Variants in CLMP observed in about 807,000 individuals in gnomAD.
CLMP encodes CXADR like cell adhesion molecule, also known as CXADR-like membrane protein.
In CLMP, 27 loss-of-function variants were observed where a neutral mutation model predicts 45.2. That is an observed-to-expected ratio of 0.60 (90% CI 0.44 to 0.82). CLMP has a LOEUF of 0.82. Ranked by LOEUF, CLMP falls within the 40% of genes least tolerant of loss-of-function variation. CLMP has a pLI of 0.00. For synonymous variants in CLMP, 167 were observed against 171.4 expected (o/e 0.97, Z 0.20); for missense variants, 403 against 448.4 (o/e 0.90, Z 0.91).
intron 2 of CLMP, among the ~76,000 whole-genome samples, chr11:123,095,563 C>T (rs909808485): frequency 6.6e-6 from 1 of 152,142 alleles, no homozygotes; most frequent in Non-Finnish European, 1.5e-5. Flanking sequence ...AGCCACCGCA[C>T]CTGGCCAAAA....
intron 5 of CLMP, among the ~76,000 whole-genome samples, chr11:123,079,924 G>A (rs570074103): frequency 6.6e-6 from 1 of 152,294 alleles, no homozygotes; most frequent in African/African-American, 2.4e-5. Context: ...TTCGTAGCTC[G>A]ATGTCAAATC....
At chr11:123,170,036 T>C (rs1161252361) in intron 1 of CLMP, among the ~76,000 whole-genome samples, 1 of 152,184 alleles carries the variant, frequency 6.6e-6, no homozygotes, top group African/African-American at 2.4e-5. Flanking sequence ...CTTATCAGAC[T>C]TAAAAAGGTG....
chr11:123,150,480 A>AAAGAAAGAGGAAGG (rs764502298), intron 1 of CLMP, among the ~76,000 whole-genome samples: 5 of 40,962 alleles, frequency 1.2e-4, no homozygotes, highest in Non-Finnish European at 2.4e-4. Flanking sequence ...AGAAAGAAAG[A>AAAGAAAGAGGAAGG]AAGGAAGGAA....
At chr11:123,086,898 AAAG>A (rs1414765716) in intron 2 of CLMP, among the ~76,000 whole-genome samples, 1 of 152,156 alleles carries the variant, frequency 6.6e-6, no homozygotes, top group Non-Finnish European at 1.5e-5. Flanking sequence ...AAATTTAAAA[AAAG>A]AAAAAAATGT....
intron 1 of CLMP, among the ~76,000 whole-genome samples, chr11:123,154,656 C>G (rs879251571): frequency 6.6e-6 from 1 of 152,120 alleles, no homozygotes; most frequent in Admixed American, 6.6e-5. Flanking sequence ...GTCAGGAGGT[C>G]CAGGATTGAG....
chr11:123,083,618 T>G, intron 4 of CLMP, 62 bp downstream of exon 4: 1 of 1,546,614 alleles, frequency 6.5e-7, no homozygotes, highest in Non-Finnish European at 8.9e-7. Context: ...GAAAGCTGAT[T>G]TAGAGCTCAC....
intron 1 of CLMP, among the ~76,000 whole-genome samples, chr11:123,136,656 C>T (rs1178408082): frequency 6.7e-6 from 1 of 148,540 alleles, no homozygotes; most frequent in Non-Finnish European, 1.5e-5. Context: ...TAATCTCCGC[C>T]TCCCAGGTTC....
chr11:123,077,490 C>T (rs1288314097), intron 5 of CLMP, among the ~76,000 whole-genome samples: 5 of 152,152 alleles, frequency 3.3e-5, no homozygotes, highest in African/African-American at 1.2e-4. Flanking sequence ...CGCCACCACT[C>T]CTGGCTAATT....
chr11:123,149,790 C>CCTTTCTTT (rs56251948), intron 1 of CLMP, among the ~76,000 whole-genome samples: 2,451 of 149,846 alleles, frequency 0.016, 60 homozygotes, highest in African/African-American at 0.054. Flanking sequence ...TTTCTTTCTT[C>CCTTTCTTT]CTTTCTTTCT....
intron 5 of CLMP, among the ~76,000 whole-genome samples, chr11:123,080,326 CT>C (rs35892566): frequency 0.25 from 34,252 of 136,142 alleles, 4,835 homozygotes; most frequent in African/African-American, 0.43. Context: ...TGAAGGTGTA[CT>C]TTTTTTTTTT....
chr11:123,143,800 T>C (rs1469826975), intron 1 of CLMP, among the ~76,000 whole-genome samples: 2 of 149,018 alleles, frequency 1.3e-5, no homozygotes, highest in Non-Finnish European at 3.0e-5. Flanking sequence ...ACCTTGACTA[T>C]AGTCTTGTGA....
At chr11:123,129,388 TATATTATATAAAATATATATCATATG>T in intron 1 of CLMP, among the ~76,000 whole-genome samples, 1 of 140,948 alleles carries the variant, frequency 7.1e-6, no homozygotes, top group South Asian at 2.1e-4. Flanking sequence ...TATCATATGA[TATATTATATAAAATATATATCATATG>T]ATATATTATA....
In CLMP at chr11:123,173,401, A is replaced by G. The variant is rs533620538; in HGVS notation, c.28+21512T>C. Among the ~76,000 whole-genome samples, 5 of 152,352 alleles carry G rather than the reference A, an allele frequency of 3.3e-5. No homozygotes were observed. The South Asian group carries it at 1.0e-3, about 32-fold the overall frequency. ...TATTTGTAACACACAGTCTTACATG[A>G]ATGCATTCATGGACACATGTAGATG... is the stretch of plus-strand genomic sequence containing the variant. On this transcript the variant is annotated intron_variant, in intron 1 of 6. Transcript: ENST00000448775.
chr11:123,146,664 T>C (rs934470668), intron 1 of CLMP, among the ~76,000 whole-genome samples: 2 of 152,154 alleles, frequency 1.3e-5, no homozygotes, highest in African/African-American at 4.8e-5. Flanking sequence ...TCCATGGGCG[T>C]GTGTTGTGAA....
chr11:123,073,557 T>C lies in CLMP; in HGVS notation c.1039A>G (p.Lys347Glu), dbSNP rs939600396. The C allele has an allele frequency of 5.6e-6, 9 of 1,614,226 alleles. No homozygotes were observed. Among genetic ancestry groups the C allele is most frequent in the Non-Finnish European group, 7.6e-6 (9 of 1,180,034 alleles). The change falls in exon 7 of 7, where the codon AAA becomes GAA. Residue 347 changes from lysine (K) to glutamate (E), a missense_variant. Transcript: ENST00000448775. ...TTGGTCAGATTAGCATGGTGGACTT[T>C]CTTTGGTTCAGAACCTCTCACCTCT... ...GPEVRGSEPK[K>E]VHHANLTKAE...
intron 1 of CLMP, among the ~76,000 whole-genome samples, chr11:123,160,279 C>CAAA (rs67087501): frequency 0.034 from 1,560 of 46,094 alleles, 138 homozygotes; most frequent in African/African-American, 0.072. Context: ...GACTCTGTCT[C>CAAA]AAAAAAAAAA....
chr11:123,122,346 T>C (rs1860831083), intron 1 of CLMP, among the ~76,000 whole-genome samples: 1 of 152,166 alleles, frequency 6.6e-6, no homozygotes, highest in African/African-American at 2.4e-5. Context: ...AAATATTTAA[T>C]TAGATCTGTG....
At chr11:123,077,243 C>A (rs192410567) in intron 5 of CLMP, among the ~76,000 whole-genome samples, 2 of 151,970 alleles carry the variant, frequency 1.3e-5, no homozygotes, top group African/African-American at 4.8e-5. Flanking sequence ...AGGTGATCTA[C>A]CCCCCGCCTT....
At chr11:123,111,696 C>T (rs1860641320) in intron 1 of CLMP, among the ~76,000 whole-genome samples, 1 of 152,150 alleles carries the variant, frequency 6.6e-6, no homozygotes, top group South Asian at 2.1e-4. Flanking sequence ...AGCTTATAAG[C>T]ACTTTGCTGC....
Sources: allele counts gnomAD v4.1 joint callset (sites outside exome capture counted in the v4.1 genomes callset), GRCh38; gene constraint gnomAD v4.1.1; transcripts MANE v1.5; gene names NCBI Gene and HGNC (gene_info 2026-07-23, HGNC 2026-07-21).